The following FHIP2A variants were observed in gnomAD, a reference collection of about 807,000 sequenced individuals.
The protein encoded by FHIP2A is family with sequence similarity 160 member B1.
Under a neutral mutation model 93.5 loss-of-function variants are expected in FHIP2A, and 46 were observed. The ratio of observed to expected loss-of-function variants is 0.49; its 90% CI spans 0.39 to 0.63. FHIP2A has a LOEUF of 0.63. Ranked by LOEUF, FHIP2A falls within the 20% of genes least tolerant of loss-of-function variation. The pLI, the probability that FHIP2A is intolerant of heterozygous loss-of-function variation, is 0.00. For missense variants in FHIP2A, 769 were observed against 909.7 expected, an observed-to-expected ratio of 0.85 and a Z score of 1.99; for synonymous variants, 332 against 326.5, an observed-to-expected ratio of 1.02 and a Z score of -0.18.
chr10:114,850,762 A>G (rs1470280888), intron 13 of FHIP2A, among the ~76,000 whole-genome samples: 2 of 152,190 alleles, frequency 1.3e-5, no homozygotes, highest in African/African-American at 4.8e-5. Context: ...TTTATTGTTG[A>G]GTTGTAAGAG....
chr10:114,831,978 T>C (rs1361581094), intron 2 of FHIP2A, among the ~76,000 whole-genome samples: 1 of 152,220 alleles, frequency 6.6e-6, no homozygotes, highest in Non-Finnish European at 1.5e-5. Context: ...TCTGTGTTAG[T>C]ATACATACAG....
chr10:114,888,042 C>A (rs2083951816), intron 16 of FHIP2A, among the ~76,000 whole-genome samples: 1 of 152,194 alleles, frequency 6.6e-6, no homozygotes, highest in African/African-American at 2.4e-5. Context: ...CCATCTCAGC[C>A]TTCTTCAGTC....
intron 16 of FHIP2A, among the ~76,000 whole-genome samples, chr10:114,875,976 AAG>A (rs2083886959): frequency 6.6e-6 from 1 of 151,784 alleles, no homozygotes; most frequent in East Asian, 1.9e-4. Flanking sequence ...GTAGGAAGGT[AAG>A]AGAGAAAGAA....
chr10:114,836,209 T>C lies in FHIP2A; in HGVS notation c.485T>C (p.Leu162Pro). The change falls in exon 5 of 17, where the codon CTG becomes CCG. Residue 162 changes from leucine to proline, a missense_variant. Leu to Pro is a moderately conservative substitution (Grantham distance 98, BLOSUM62 -3). Transcript: ENST00000369248. ...IQFLCIVCAK[L>P]KQDPYLVNFF... ...TTTCTTTGCATTGTGTGTGCGAAGC[T>C]GAAACAGGACCCCTACCTGGTTAAC... 6.2e-7 allele frequency: 1 copy of C among 1,602,116 alleles called. No individual in the cohort carries two copies. The highest frequency in any genetic ancestry group is 8.5e-7 in the Non-Finnish European group (1 of 1,171,590).
chr10:114,859,187 G>A (rs1254687475), intron 14 of FHIP2A, among the ~76,000 whole-genome samples: 1 of 152,168 alleles, frequency 6.6e-6, no homozygotes, highest in Non-Finnish European at 1.5e-5. Context: ...CCATGTTCAT[G>A]AATCTAGTAG....
intron 1 of FHIP2A, among the ~76,000 whole-genome samples, chr10:114,826,152 G>C (rs973383019): frequency 6.6e-6 from 1 of 152,188 alleles, no homozygotes; most frequent in Non-Finnish European, 1.5e-5. Flanking sequence ...CATGTCTTCT[G>C]AGTCACCACG....
rs754774404 is a variant in FHIP2A at position 114,846,203 on chromosome 10, G to T, written c.1234G>T (p.Ala412Ser). ...TSEMGILTSTALLHRIVRQVT... is the reference protein window; with the variant it reads ...TSEMGILTSTSLLHRIVRQVT... ...TGAGATGGGTATTCTCACATCCACT[G>T]CTCTGCTTCATCGCATCGTTCGGCA... Residue 412 changes from alanine to serine, a missense_variant, in exon 10 of 17, where the codon GCT becomes TCT. Ala to Ser is a moderately conservative substitution (Grantham distance 99). Coordinates refer to ENST00000369248, the MANE Select transcript of FHIP2A (RefSeq NM_020940.4). The T allele has an allele frequency of 6.2e-7, 1 of 1,614,136 alleles. No homozygotes were observed. The highest frequency in any genetic ancestry group is 1.7e-5 in the Admixed American group (1 of 60,016).
At chr10:114,848,505 C>T (rs2083715372) in intron 12 of FHIP2A, 142 bp from the exon 13 acceptor site, 9 of 579,274 alleles carry the variant, frequency 1.6e-5, no homozygotes, top group Non-Finnish European at 2.8e-5. Context: ...GCTGAACTTA[C>T]GATATCACTA....
intron 16 of FHIP2A, among the ~76,000 whole-genome samples, chr10:114,879,582 T>A (rs2083906592): frequency 6.6e-6 from 1 of 152,180 alleles, no homozygotes. Context: ...CTCCCGGAAG[T>A]GGCATTCCCC....
At chr10:114,856,366 G>C (rs1226490272) in intron 14 of FHIP2A, among the ~76,000 whole-genome samples, 2 of 151,742 alleles carry the variant, frequency 1.3e-5, no homozygotes, top group Non-Finnish European at 2.9e-5. Context: ...TTTTAAACCT[G>C]ACAACCAAAG....
At chr10:114,883,170 G>T (rs2083925465) in intron 16 of FHIP2A, among the ~76,000 whole-genome samples, 1 of 152,114 alleles carries the variant, frequency 6.6e-6, no homozygotes, top group Non-Finnish European at 1.5e-5. Flanking sequence ...TGACATTACA[G>T]GGTTAGTTTT....
intron 5 of FHIP2A, 111 bp from the exon 6 acceptor site, chr10:114,842,822 A>G (rs576422804): frequency 3.1e-5 from 21 of 668,468 alleles, no homozygotes; most frequent in Non-Finnish European, 5.4e-5. Context: ...CATAACATCT[A>G]TTGCTACTTT....
In FHIP2A at chr10:114,864,219, T is replaced by A. The variant is rs2083817050; in HGVS notation, c.*2679T>A. 1.0e-6 allele frequency: 1 copy of A among 984,270 alleles called. No homozygotes were observed. The highest frequency in any genetic ancestry group is 1.7e-5 in the African/African-American group (1 of 57,212). The allele number at this position is 984,270 out of a possible 1,614,324, so 61.0% of individuals were successfully genotyped here. On this transcript the variant is annotated 3_prime_UTR_variant, in exon 17 of 17. Transcript: ENST00000369248. ...TACAGGGCACAAATTATGGAATTAC[T>A]TCATAAATTCATGGTAATGTTTTCA...
rs560845147 is a variant in FHIP2A at position 114,888,763 on chromosome 10, C to T, written c.2193-10727C>T. Among the ~76,000 whole-genome samples, 201 of 152,080 alleles carry T rather than the reference C, an allele frequency of 1.3e-3. 2 individuals carry two copies. The highest frequency in any genetic ancestry group is 3.5e-3 in the Admixed American group (54 of 15,264). The stretch of plus-strand genomic sequence containing the variant: ...GATTACAATCACCCGCCACCATGCC[C>T]GGCTAATTTTTGTATTTTTAGTAGA... On this transcript the variant is annotated intron_variant, in intron 16 of 16. Coordinates refer to the FHIP2A transcript ENST00000369250.
At chr10:114,852,385 T>G (rs560861637) in intron 13 of FHIP2A, among the ~76,000 whole-genome samples, 1 of 152,222 alleles carries the variant, frequency 6.6e-6, no homozygotes, top group Non-Finnish European at 1.5e-5. Flanking sequence ...GCAGAACTTA[T>G]GATTGATGCC....
chr10:114,861,404 A>G (rs1265918488), intron 16 of FHIP2A, 31 bp from the exon 17 acceptor site: 2 of 1,613,732 alleles, frequency 1.2e-6, no homozygotes, highest in Non-Finnish European at 1.7e-6. Flanking sequence ...GCTATCTTGA[A>G]TTGATTTATT....
intron 16 of FHIP2A, among the ~76,000 whole-genome samples, chr10:114,887,206 A>T (rs891493819): frequency 6.6e-6 from 1 of 152,228 alleles, no homozygotes; most frequent in Admixed American, 6.5e-5. Context: ...ATTACTGTAC[A>T]GGGAGAGTAC....
Position 114,826,728 on chromosome 10 carries a change from TCA to T in FHIP2A, c.46-4120_46-4119del, listed in dbSNP as rs1356222105. Among the ~76,000 whole-genome samples the T allele has an allele frequency of 2.0e-5, 3 of 152,124 alleles. No individual in the cohort carries two copies. In the East Asian group the frequency reaches 5.8e-4, roughly 29 times the overall value. ...TGGGAGTGGCATCAGGCACAGTGGCTCACACCTGTAATGCCAGCACTTTGGGA... is the reference window on the plus strand; with the variant it reads ...TGGGAGTGGCATCAGGCACAGTGGCTCACCTGTAATGCCAGCACTTTGGGA... On this transcript the variant is annotated intron_variant, in intron 1 of 16. Transcript: ENST00000369248.
chr10:114,892,352 T>C (rs950889854), intron 16 of FHIP2A, among the ~76,000 whole-genome samples: 1 of 152,158 alleles, frequency 6.6e-6, no homozygotes, highest in Non-Finnish European at 1.5e-5. Flanking sequence ...AGTCATTGTT[T>C]AATAATAATG....
Sources: gnomAD v4.1 joint callset for allele counts (sites outside exome capture counted in the v4.1 genomes callset) on GRCh38, gnomAD v4.1.1 for gene constraint, MANE v1.5 for transcripts, NCBI Gene and HGNC (gene_info 2026-07-23, HGNC 2026-07-21) for gene names.